Variants in GADL1 observed in about 807,000 individuals in gnomAD.
The protein encoded by GADL1 is acidic amino acid decarboxylase GADL1.
GADL1 carries 71 observed loss-of-function variants against 69.5 expected under a neutral mutation model. That is an observed-to-expected ratio of 1.02 (90% confidence interval 0.84 to 1.25). The LOEUF (loss-of-function observed/expected upper bound fraction) is 1.25, where lower values mean the gene tolerates loss of function less well. Among genes scored for constraint, GADL1 ranks in the 50% most tolerant of loss-of-function variants. The probability of loss-of-function intolerance (pLI) is 0.00; values close to 1 mark genes in which losing one functional copy is unlikely to be tolerated. For missense variants in GADL1, 737 were observed against 631.8 expected (o/e 1.17, Z -1.79); for synonymous variants, 254 against 214.4 (o/e 1.18, Z -1.62).
chr3:30,840,125 T>G (rs1002294606), intron 8 of GADL1, among the ~76,000 whole-genome samples: 7 of 152,130 alleles, frequency 4.6e-5, no homozygotes, highest in African/African-American at 1.7e-4. Context: ...GTTATTTTTT[T>G]CTCCATTTAG....
chr3:30,736,569 C>T (rs769818427), intron 14 of GADL1, among the ~76,000 whole-genome samples: 2 of 152,148 alleles, frequency 1.3e-5, no homozygotes, highest in Non-Finnish European at 2.9e-5. Flanking sequence ...TCTCTTGAGA[C>T]ATGAACATTT....
intron 9 of GADL1, 50 bp downstream of exon 9, chr3:30,838,947 C>G (rs749131533): frequency 5.3e-6 from 6 of 1,128,282 alleles, no homozygotes; most frequent in Non-Finnish European, 7.6e-6. Flanking sequence ...TCTACCAAGG[C>G]TACAAAAAGA....
rs546361572 is a variant in GADL1 at position 30,839,095 on chromosome 3, C to A, written c.805G>T (p.Val269Phe). 1.0e-5 allele frequency: 16 copies of A among 1,599,848 alleles called. No homozygotes were observed. The East Asian group carries it at 3.2e-4, about 32-fold the overall frequency. ...ARKEGAAPFL[V>F]CATSGTTVLG... is the part of the protein sequence containing the mutation. ...ACAGTTGTACCAGAAGTGGCACAGACAAGAAACGGTGCTGCCCCCTGTAAG... is the reference window on the plus strand; with the variant it reads ...ACAGTTGTACCAGAAGTGGCACAGAAAAGAAACGGTGCTGCCCCCTGTAAG... Residue 269 changes from valine to phenylalanine, a missense_variant, in exon 9 of 15, where the codon GTC (valine) becomes TTC (phenylalanine). Coordinates refer to ENST00000282538, the MANE Select transcript of GADL1 (RefSeq NM_207359.3).
At chr3:30,881,921 C>T (rs542918348) in intron 1 of GADL1, among the ~76,000 whole-genome samples, 87 of 151,936 alleles carry the variant, frequency 5.7e-4, no homozygotes, top group African/African-American at 2.0e-3. Context: ...TGCCTGTCTA[C>T]CTTCCATCAT....
chr3:30,833,617 G>A (rs557965833), intron 11 of GADL1, among the ~76,000 whole-genome samples: 25 of 152,166 alleles, frequency 1.6e-4, no homozygotes, highest in African/African-American at 4.6e-4. Flanking sequence ...CCATTTTGCT[G>A]TAACTAATGA....
chr3:30,753,034 G>A (rs373452921), intron 14 of GADL1, among the ~76,000 whole-genome samples: 12 of 152,086 alleles, frequency 7.9e-5, no homozygotes, highest in African/African-American at 1.7e-4. Flanking sequence ...GAGTCATAAC[G>A]GGCATCTTCT....
chr3:30,750,220 A>T (rs756254730), intron 14 of GADL1, among the ~76,000 whole-genome samples: 1 of 152,232 alleles, frequency 6.6e-6, no homozygotes, highest in East Asian at 1.9e-4. Flanking sequence ...TCAGAAGAGC[A>T]CATAACTGGA....
intron 1 of GADL1, among the ~76,000 whole-genome samples, chr3:30,886,851 T>C (rs993745648): frequency 1.3e-5 from 2 of 152,158 alleles, no homozygotes; most frequent in South Asian, 2.1e-4. Context: ...ATGGAGTTGA[T>C]AGGGTACATT....
intron 11 of GADL1, among the ~76,000 whole-genome samples, chr3:30,814,511 A>G (rs1484031222): frequency 1.3e-5 from 2 of 152,214 alleles, no homozygotes; most frequent in African/African-American, 4.8e-5. Context: ...TGGTTGTAGC[A>G]TGAAAGCTGC....
intron 9 of GADL1, among the ~76,000 whole-genome samples, chr3:30,836,312 A>G (rs1381380085): frequency 6.6e-6 from 1 of 151,930 alleles, no homozygotes. Flanking sequence ...TTTTGAAATC[A>G]CAGGAACCCT....
intron 1 of GADL1, among the ~76,000 whole-genome samples, chr3:30,876,562 A>T (rs1429234868): frequency 6.6e-6 from 1 of 151,974 alleles, no homozygotes; most frequent in Non-Finnish European, 1.5e-5. Context: ...AAGTTCATCA[A>T]TTGAAAAAAT....
chr3:30,792,770 G>A (rs1293923198), intron 12 of GADL1, among the ~76,000 whole-genome samples: 1 of 152,054 alleles, frequency 6.6e-6, no homozygotes, highest in Non-Finnish European at 1.5e-5. Context: ...AAGAGCAGAG[G>A]GGGCTATAGC....
chr3:30,783,691 C>T (rs1156846418), intron 13 of GADL1, among the ~76,000 whole-genome samples: 1 of 152,118 alleles, frequency 6.6e-6, no homozygotes, highest in African/African-American at 2.4e-5. Context: ...AATCCTTACA[C>T]CAGGAATTCT....
intron 11 of GADL1, among the ~76,000 whole-genome samples, chr3:30,824,460 G>C (rs1398408114): frequency 1.3e-5 from 2 of 151,682 alleles, no homozygotes; most frequent in Non-Finnish European, 1.5e-5. Context: ...AATTATTCCG[G>C]ATGGAACCTT....
intron 1 of GADL1, among the ~76,000 whole-genome samples, chr3:30,875,255 T>C (rs1698560944): frequency 6.6e-6 from 1 of 150,558 alleles, no homozygotes; most frequent in Non-Finnish European, 1.5e-5. Context: ...CAGAAGGCAG[T>C]TGTCACATCA....
chr3:30,755,657 CCT>C (rs1244427488), intron 14 of GADL1, among the ~76,000 whole-genome samples: 2 of 152,184 alleles, frequency 1.3e-5, no homozygotes, highest in South Asian at 2.1e-4. Context: ...GTCTGAATCC[CCT>C]GTTAGACTAT....
chr3:30,803,527 A>AGG (rs1432725484), intron 11 of GADL1, among the ~76,000 whole-genome samples: 20 of 152,252 alleles, frequency 1.3e-4, no homozygotes, highest in African/African-American at 4.6e-4. Context: ...AGTGATTGAA[A>AGG]GGGAGAGGAC....
At chr3:30,825,056 G>T (rs9310951) in intron 11 of GADL1, among the ~76,000 whole-genome samples, 39,599 of 151,730 alleles carry the variant, frequency 0.26, 6,052 homozygotes, top group African/African-American at 0.4. Flanking sequence ...TCTAAATTAT[G>T]ATTTTCAATC....
intron 11 of GADL1, among the ~76,000 whole-genome samples, chr3:30,828,770 C>A (rs183159538): frequency 8.6e-5 from 13 of 152,008 alleles, no homozygotes; most frequent in Non-Finnish European, 7.4e-5. Context: ...CAGACGTATG[C>A]ATGTACACAC....
Sources: gnomAD v4.1 joint callset for allele counts (sites outside exome capture counted in the v4.1 genomes callset) on GRCh38, gnomAD v4.1.1 for gene constraint, MANE v1.5 for transcripts, NCBI Gene and HGNC (gene_info 2026-07-23, HGNC 2026-07-21) for gene names.